GJA1: variants seen among roughly 807,000 people sequenced by gnomAD.
GJA1 encodes gap junction alpha-1 protein.
In GJA1, 9 loss-of-function variants were observed where a neutral mutation model predicts 31.0. The ratio of observed to expected loss-of-function variants is 0.29; its 90% CI spans 0.17 to 0.51. The LOEUF (loss-of-function observed/expected upper bound fraction) is 0.51, where lower values mean the gene tolerates loss of function less well. Among genes scored for constraint, GJA1 ranks in the 20% least tolerant of loss-of-function variants. The pLI, the probability that GJA1 is intolerant of heterozygous loss-of-function variation, is 0.98. For missense variants in GJA1, 278 were observed against 468.8 expected, an observed-to-expected ratio of 0.59 and a Z score of 3.76; for synonymous variants, 186 against 180.1, an observed-to-expected ratio of 1.03 and a Z score of -0.26.
In GJA1 at chr6:121,449,158, T is replaced by C. The variant is rs562886042; in HGVS notation, c.*1162T>C. On this transcript the variant is annotated 3_prime_UTR_variant, in exon 2 of 2. Transcript: ENST00000282561. ...TTTCCTTTTTCTGAAATGTAATCAT[T>C]GATGCTTGAATGATAGAATTTTAGT... 1 of 167,178 alleles carries C rather than the reference T, an allele frequency of 6.0e-6. No homozygotes were observed. The highest frequency in any genetic ancestry group is 1.5e-5 in the Non-Finnish European group (1 of 68,120). 10.4% of individuals were successfully genotyped at this position (167,178 alleles called of 1,614,324 possible).
intron 1 of GJA1, among the ~76,000 whole-genome samples, chr6:121,442,263 T>A (rs753574653): frequency 6.6e-6 from 1 of 152,244 alleles, no homozygotes; most frequent in African/African-American, 2.4e-5. Context: ...GTAAAATACT[T>A]AATTCTAATA....
At chr6:121,443,024 C>T (rs981419510) in intron 1 of GJA1, among the ~76,000 whole-genome samples, 12 of 152,138 alleles carry the variant, frequency 7.9e-5, no homozygotes, top group Admixed American at 2.0e-4. Flanking sequence ...TCTCATGTAT[C>T]AAATAAGAAA....
intron 1 of GJA1, among the ~76,000 whole-genome samples, chr6:121,439,123 C>A (rs1333070291): frequency 6.6e-6 from 1 of 151,986 alleles, no homozygotes; most frequent in Non-Finnish European, 1.5e-5. Context: ...CATAGCAAGA[C>A]CCCACCTCTA....
intron 1 of GJA1, among the ~76,000 whole-genome samples, chr6:121,444,574 GGAA>G (rs1464867551): frequency 6.6e-6 from 1 of 152,104 alleles, no homozygotes; most frequent in African/African-American, 2.4e-5. Context: ...TGCTTACTGA[GGAA>G]GAAGACTCCC....
At chr6:121,443,893 G>C (rs1773840088) in intron 1 of GJA1, among the ~76,000 whole-genome samples, 1 of 152,128 alleles carries the variant, frequency 6.6e-6, no homozygotes, top group Non-Finnish European at 1.5e-5. Flanking sequence ...AAATATGTGA[G>C]CAAAAGCAGA....
chr6:121,444,198 CTGCTGTTTTAAATTGA>C (rs1302390330), intron 1 of GJA1, among the ~76,000 whole-genome samples: 6 of 152,142 alleles, frequency 3.9e-5, no homozygotes, highest in African/African-American at 1.4e-4. Context: ...TCTTATTTGA[CTGCTGTTTTAAATTGA>C]TGCTGTTTTC....
chr6:121,447,369 G>A lies in GJA1; in HGVS notation c.522G>A (p.Trp174Ter). 1 of 1,613,984 alleles carries A rather than the reference G, an allele frequency of 6.2e-7. No individual in the cohort carries two copies. The highest frequency in any genetic ancestry group is 8.5e-7 in the Non-Finnish European group (1 of 1,179,930). The change falls in exon 2 of 2, where the codon TGG (tryptophan) becomes TGA (stop). Residue 174 changes from tryptophan (W) to a stop codon, truncating the protein, a stop_gained. Transcript: ENST00000282561. LOFTEE classifies it high-confidence loss of function. ...AGGTGGCCTTCTTGCTGATCCAGTG[G>A]TACATCTATGGATTCAGCTTGAGTG... ...IFEVAFLLIQWYIYGFSLSAV... is the reference protein window; with the variant it reads ...IFEVAFLLIQ
chr6:121,436,270 C>T (rs1238024742), intron 1 of GJA1, among the ~76,000 whole-genome samples: 1 of 150,444 alleles, frequency 6.6e-6, no homozygotes, highest in Non-Finnish European at 1.5e-5. Context: ...TAGCGTGCTT[C>T]CTATAGTATT....
chr6:121,444,239 C>T (rs893537399), intron 1 of GJA1, among the ~76,000 whole-genome samples: 1 of 152,196 alleles, frequency 6.6e-6, no homozygotes, highest in Non-Finnish European at 1.5e-5. Flanking sequence ...ATCAATTTCA[C>T]TTCCTAACTT....
In GJA1 at chr6:121,449,307, A is replaced by G; in HGVS notation, c.*1311A>G. On this transcript the variant is annotated 3_prime_UTR_variant, in exon 2 of 2. Transcript: ENST00000282561. ...TCTTGGGTTTTCCTACTTAATACAC[A>G]GTAATTCAGAACTTGTATTCTATTA... 6.0e-6 allele frequency: 1 copy of G among 167,244 alleles called. No homozygotes were observed. The allele number at this position is 167,244 out of a possible 1,614,324, so 10.4% of individuals were successfully genotyped here. A position where few individuals can be genotyped will look rare whatever the true frequency, so the allele number is the denominator to read the frequency against.
At chr6:121,441,850 G>A (rs1053506619) in intron 1 of GJA1, among the ~76,000 whole-genome samples, 2 of 152,114 alleles carry the variant, frequency 1.3e-5, no homozygotes, top group Non-Finnish European at 2.9e-5. Context: ...TTTTAAGTGC[G>A]GAGGAATAGA....
At chr6:121,437,996 C>G (rs550738362) in intron 1 of GJA1, among the ~76,000 whole-genome samples, 1 of 152,238 alleles carries the variant, frequency 6.6e-6, no homozygotes, top group South Asian at 2.1e-4. Context: ...GCTCCCCTCC[C>G]CCCCGCGCCA....
Position 121,447,842 on chromosome 6 carries a change from C to G in GJA1, c.995C>G (p.Ala332Gly). Residue 332 changes from alanine (A) to glycine (G), a missense_variant, in exon 2 of 2, where the codon GCA becomes GGA. Physicochemically the swap from Ala to Gly is moderately conservative, Grantham distance 60. Transcript: ENST00000282561. Reference protein sequence around the residue: ...QAGSTISNSHAQPFDFPDDNQ... With the variant: ...QAGSTISNSHGQPFDFPDDNQ... ...GGAAGCACCATCTCTAACTCCCATGCACAGCCTTTTGATTTCCCCGATGAT... is the reference window on the plus strand; with the variant it reads ...GGAAGCACCATCTCTAACTCCCATGGACAGCCTTTTGATTTCCCCGATGAT... The G allele has an allele frequency of 6.2e-7, 1 of 1,613,896 alleles. No homozygotes were observed. Among genetic ancestry groups the G allele is most frequent in the African/African-American group, 1.3e-5 (1 of 75,002 alleles).
At position 121,447,553 on chromosome 6, in the gene GJA1, G is replaced by A. The variant is rs148384161; in HGVS notation, c.706G>A (p.Val236Ile). 394 of 1,613,890 alleles carry A rather than the reference G, an allele frequency of 2.4e-4. No individual in the cohort carries two copies. Among genetic ancestry groups the A allele is most frequent in the Non-Finnish European group, 3.1e-4 (367 of 1,179,876 alleles). Reference protein sequence around the residue: ...IELFYVFFKGVKDRVKGKSDP... With the variant: ...IELFYVFFKGIKDRVKGKSDP... ...ACTCTTCTATGTTTTCTTCAAGGGC[G>A]TTAAGGATCGGGTTAAGGGAAAGAG... is the stretch of plus-strand genomic sequence containing the variant. Residue 236 changes from valine (V) to isoleucine (I), a missense_variant, in exon 2 of 2, where the codon GTT becomes ATT. Physicochemically the swap from Val to Ile is conservative, Grantham distance 29. Transcript: ENST00000282561.
At position 121,447,350 on chromosome 6, in the gene GJA1, C is replaced by G. The variant is rs1773905449; in HGVS notation, c.503C>G (p.Ala168Gly). The G allele has an allele frequency of 2.5e-6, 4 of 1,613,974 alleles. No individual in the cohort carries two copies. Among genetic ancestry groups the G allele is most frequent in the Non-Finnish European group, 3.4e-6 (4 of 1,180,008 alleles). The change falls in exon 2 of 2, where the codon GCC becomes GGC. Residue 168 changes from alanine to glycine, a missense_variant. Transcript: ENST00000282561. ...CTCTTCAAGTCTATCTTTGAGGTGG[C>G]CTTCTTGCTGATCCAGTGGTACATC... ...SILFKSIFEV[A>G]FLLIQWYIYG...
rs542321060 is a variant in GJA1, at chr6:121,442,346, A to T, written c.-16-4486A>T. Among the ~76,000 whole-genome samples, 5 of 152,366 alleles carry T rather than the reference A, an allele frequency of 3.3e-5. No individual in the cohort carries two copies. The East Asian group carries it at 9.6e-4, about 29-fold the overall frequency. Reference sequence around the variant, plus strand: ...ACATGCTCTAGCAAAAGGCATAGTCAAATGTAATTTAAAATCAAAGCTTTA... The same window carrying T: ...ACATGCTCTAGCAAAAGGCATAGTCTAATGTAATTTAAAATCAAAGCTTTA... On this transcript the variant is annotated intron_variant, in intron 1 of 1. Transcript: ENST00000282561.
chr6:121,442,468 C>T (rs1029569566), intron 1 of GJA1, among the ~76,000 whole-genome samples: 2 of 152,184 alleles, frequency 1.3e-5, no homozygotes, highest in Admixed American at 6.5e-5. Context: ...GCTGTGGAGC[C>T]AAGGCTGACC....
At chr6:121,446,737 G>C (rs537140624) in intron 1 of GJA1, 95 bp from the exon 2 acceptor site, 4 of 854,280 alleles carry the variant, frequency 4.7e-6, no homozygotes, top group Non-Finnish European at 8.1e-6. Context: ...ACGTGAAACC[G>C]TTGGTAGTAT....
intron 1 of GJA1, among the ~76,000 whole-genome samples, chr6:121,437,362 TTTTC>T (rs201638090): frequency 0.025 from 3,481 of 141,386 alleles, 182 homozygotes; most frequent in East Asian, 0.21. Flanking sequence ...CCCTTTTTTT[TTTTC>T]TTTTTCTTTT....
Sources: gnomAD v4.1 joint callset for allele counts (sites outside exome capture counted in the v4.1 genomes callset) on GRCh38, gnomAD v4.1.1 for gene constraint, MANE v1.5 for transcripts, NCBI Gene and HGNC (gene_info 2026-07-23, HGNC 2026-07-21) for gene names.